The following NFAT5 variants were observed in gnomAD, a reference collection of about 807,000 sequenced individuals.
NFAT5 encodes nuclear factor of activated T cells 5.
NFAT5 carries 31 observed loss-of-function variants against 166.5 expected under a neutral mutation model. The ratio of observed to expected loss-of-function variants is 0.19; its 90% CI spans 0.14 to 0.25. The LOEUF is 0.25. Among genes scored for constraint, NFAT5 ranks in the 10% least tolerant of loss-of-function variants. The pLI is 1.00. For synonymous variants in NFAT5, 612 were observed against 639.7 expected, an observed-to-expected ratio of 0.96 and a Z score of 0.65; for missense variants, 1,449 against 1,821.8, an observed-to-expected ratio of 0.80 and a Z score of 3.72.
In NFAT5 at chr16:69,589,374, A is replaced by G. The variant is rs528701694; in HGVS notation, c.127+20826A>G. On this transcript the variant is annotated intron_variant, in intron 2 of 14. Coordinates refer to ENST00000349945, the MANE Select transcript of NFAT5 (RefSeq NM_138713.4). ...TTTCAGAGATCATGGATTTCAGTAA[A>G]CATAGCTCTTTGTAACAGAACTGGA... is the stretch of plus-strand genomic sequence containing the variant. 3.9e-5 allele frequency among the ~76,000 whole-genome samples: 6 copies of G among 152,316 alleles called. No homozygotes were observed. In the South Asian group the frequency reaches 1.2e-3, roughly 32 times the overall value.
chr16:69,653,264 G>A lies in NFAT5; in HGVS notation c.841G>A (p.Val281Ile), dbSNP rs1194969642. 6.3e-7 allele frequency: 1 copy of A among 1,593,164 alleles called. No individual in the cohort carries two copies. Among genetic ancestry groups the A allele is most frequent in the Non-Finnish European group, 8.5e-7 (1 of 1,174,110 alleles). ...ATTGGAAAACCAAAAAGGAACTGGA[G>A]TAAAGAAGAGCCCTATGTTGTGTGG... ...GTLENQKGTG[V>I]KKSPMLCGQY... The change falls in exon 5 of 15, where the codon GTA (valine) becomes ATA (isoleucine). Residue 281 changes from valine (V) to isoleucine (I), a missense_variant. Coordinates refer to ENST00000349945, the MANE Select transcript of NFAT5 (RefSeq NM_138713.4).
intron 2 of NFAT5, among the ~76,000 whole-genome samples, chr16:69,570,459 CCTT>C (rs753125416): frequency 1.1e-4 from 16 of 150,572 alleles, no homozygotes; most frequent in Non-Finnish European, 1.8e-4. Flanking sequence ...TTCTTTTATC[CCTT>C]CTTCTCTCTC....
intron 2 of NFAT5, among the ~76,000 whole-genome samples, chr16:69,587,001 G>A (rs1217443213): frequency 6.6e-6 from 1 of 152,166 alleles, no homozygotes; most frequent in Non-Finnish European, 1.5e-5. Context: ...TTAAATCTAG[G>A]TATGATTGTA....
chr16:69,656,362 CT>C (rs1454453882), intron 6 of NFAT5, among the ~76,000 whole-genome samples: 1 of 150,194 alleles, frequency 6.7e-6, no homozygotes, highest in Non-Finnish European at 1.5e-5. Flanking sequence ...CAAAGACTTA[CT>C]TTTTTGGGTT....
chr16:69,599,032 A>G (rs947889353), intron 2 of NFAT5, among the ~76,000 whole-genome samples: 1 of 151,782 alleles, frequency 6.6e-6, no homozygotes, highest in Non-Finnish European at 1.5e-5. Flanking sequence ...AAAAAAAAAA[A>G]AAAAAAAAGT....
chr16:69,681,209 A>T (rs1015388470), intron 10 of NFAT5, among the ~76,000 whole-genome samples: 2 of 152,208 alleles, frequency 1.3e-5, no homozygotes, highest in Non-Finnish European at 2.9e-5. Context: ...TGATTCATTT[A>T]GGGACTGTTG....
chr16:69,696,172 A>C (rs1299901955), intron 14 of NFAT5, among the ~76,000 whole-genome samples, 188 bp from the exon 15 acceptor site: 3 of 152,204 alleles, frequency 2.0e-5, no homozygotes, highest in Non-Finnish European at 4.4e-5. Context: ...TATATATTGG[A>C]TATAACCATG....
intron 2 of NFAT5, among the ~76,000 whole-genome samples, chr16:69,573,893 G>C (rs2016584487): frequency 7.9e-6 from 1 of 126,528 alleles, no homozygotes; most frequent in African/African-American, 3.0e-5. Context: ...TTTTTTTTGA[G>C]ATAGAGTTTC....
In NFAT5 at chr16:69,694,195, C is replaced by T. The variant is rs970792441; in HGVS notation, c.4370C>T (p.Ser1457Leu). The change falls in exon 13 of 15, where the codon TCA becomes TTA. Residue 1457 changes from serine to leucine, a missense_variant. Around this residue, in one of 7 missense-constraint regions of NFAT5, gnomAD observed 891 missense variants for 993.0 expected, o/e 0.90. Transcript: ENST00000349945. The stretch of plus-strand genomic sequence containing the variant: ...AACCAACTGCAGAATTCTCCTGGCT[C>T]ATCTCAGCAGACATCAGGAATGTTC... ...TMNQLQNSPG[S>L]SQQTSGMFLF... 6 of 1,613,974 alleles carry T rather than the reference C, an allele frequency of 3.7e-6. No individual in the cohort carries two copies. The highest frequency in any genetic ancestry group is 3.3e-5 in the Admixed American group (2 of 60,006).
At chr16:69,662,935 T>C (rs1465504595) in intron 7 of NFAT5, among the ~76,000 whole-genome samples, 2 of 152,216 alleles carry the variant, frequency 1.3e-5, no homozygotes, top group Non-Finnish European at 2.9e-5. Flanking sequence ...AAAAATCTTT[T>C]TATTTAAAAA....
intron 7 of NFAT5, among the ~76,000 whole-genome samples, chr16:69,663,431 CAAATT>C (rs2036232204): frequency 1.3e-5 from 2 of 151,832 alleles, no homozygotes; most frequent in South Asian, 4.1e-4. Context: ...TATGTTATAT[CAAATT>C]AAGAATATTA....
intron 2 of NFAT5, among the ~76,000 whole-genome samples, chr16:69,619,378 C>T (rs1333029657): frequency 6.6e-6 from 1 of 152,150 alleles, no homozygotes; most frequent in Non-Finnish European, 1.5e-5. Context: ...GTAAAAAGAA[C>T]ACCTGTGAAC....
chr16:69,667,329 T>C (rs1477976517), intron 7 of NFAT5, among the ~76,000 whole-genome samples: 1 of 151,670 alleles, frequency 6.6e-6, no homozygotes, highest in African/African-American at 2.4e-5. Context: ...ATAATAATAA[T>C]ACATTTAAAA....
rs1188158260 is a variant in NFAT5 at position 69,688,202 on chromosome 16, C to CAAAAA, written c.1775-2718_1775-2714dup. Reference sequence around the variant, plus strand: ...TGGGCGACAGAGCGAGACTCCGTCTCAAAAAAAAAAAAAAAAAAAAAAAAC... The same window carrying CAAAAA: ...TGGGCGACAGAGCGAGACTCCGTCTCAAAAAAAAAAAAAAAAAAAAAAAAAAAAAC... On this transcript the variant is annotated intron_variant, in intron 11 of 14. Coordinates refer to ENST00000349945, the MANE Select transcript of NFAT5 (RefSeq NM_138713.4). Among the ~76,000 whole-genome samples the CAAAAA allele has an allele frequency of 1.3e-3, 64 of 49,454 alleles. 2 individuals carry two copies. Among genetic ancestry groups the CAAAAA allele is most frequent in the East Asian group, 6.0e-3 (6 of 998 alleles). 32.4% of individuals were successfully genotyped at this position (49,454 alleles called of 152,430 possible).
chr16:69,630,618 G>A (rs184211790), intron 3 of NFAT5, among the ~76,000 whole-genome samples: 22 of 152,284 alleles, frequency 1.4e-4, no homozygotes, highest in African/African-American at 4.1e-4. Flanking sequence ...GAGAGGCCAC[G>A]TTCCTAAAAC....
At chr16:69,597,363 T>G (rs1054873535) in intron 2 of NFAT5, among the ~76,000 whole-genome samples, 5 of 152,148 alleles carry the variant, frequency 3.3e-5, no homozygotes, top group African/African-American at 1.2e-4. Context: ...TTTTATACAG[T>G]TATTTTACAT....
chr16:69,605,141 T>C (rs898845247), intron 2 of NFAT5, among the ~76,000 whole-genome samples: 2 of 152,146 alleles, frequency 1.3e-5, no homozygotes, highest in Admixed American at 6.6e-5. Context: ...AAAATATTAA[T>C]TAAAAAAGAA....
chr16:69,605,024 T>C (rs2033330920), intron 2 of NFAT5, among the ~76,000 whole-genome samples: 1 of 152,234 alleles, frequency 6.6e-6, no homozygotes, highest in Non-Finnish European at 1.5e-5. Flanking sequence ...TATAATAGCA[T>C]ATGTGTACAT....
At chr16:69,595,499 A>G (rs1041275209) in intron 2 of NFAT5, among the ~76,000 whole-genome samples, 3 of 152,196 alleles carry the variant, frequency 2.0e-5, no homozygotes, top group East Asian at 1.9e-4. Context: ...TTTTCTGTTC[A>G]TGTCTTTCAC....
Sources: gnomAD v4.1 joint callset for allele counts (sites outside exome capture counted in the v4.1 genomes callset) on GRCh38, gnomAD v4.1.1 for gene constraint, gnomAD v4.1.1 regional missense constraint, MANE v1.5 for transcripts, NCBI Gene and HGNC (gene_info 2026-07-23, HGNC 2026-07-21) for gene names.